The following AGBL3 variants were observed in gnomAD, a reference collection of about 807,000 sequenced individuals.
The protein encoded by AGBL3 is AGBL carboxypeptidase 3.
In AGBL3, 68 loss-of-function variants were observed where a neutral mutation model predicts 94.5. That is an observed-to-expected ratio of 0.72 (90% confidence interval 0.59 to 0.88). The LOEUF (loss-of-function observed/expected upper bound fraction) is 0.88. Among genes scored for constraint, AGBL3 ranks in the 40% least tolerant of loss-of-function variants. AGBL3 has a pLI of 0.00. For missense variants in AGBL3, 934 were observed against 1,103.8 expected (o/e 0.85, Z 2.18); for synonymous variants, 354 against 370.7 (o/e 0.95, Z 0.52).
At position 135,076,401 on chromosome 7, in the gene AGBL3, A is replaced by G; in HGVS notation, c.1913A>G (p.Lys638Arg). 1 of 1,542,410 alleles carries G rather than the reference A, an allele frequency of 6.5e-7. No individual in the cohort carries two copies. The highest frequency in any genetic ancestry group is 1.2e-5 in the South Asian group (1 of 83,764). Residue 638 changes from lysine (K) to arginine (R), a missense_variant, in exon 13 of 17, where the codon AAA becomes AGA. Coordinates refer to ENST00000436302, the MANE Select transcript of AGBL3 (RefSeq NM_178563.4). ...TYLLKLTSQK[K>R]HLKTKKERNS... is the part of the protein sequence containing the mutation. ...TAAGTATGATTCTTTTACTAGAAAA[A>G]ACATTTGAAAACAAAGAAGGAAAGG...
intron 12 of AGBL3, among the ~76,000 whole-genome samples, chr7:135,074,306 AG>A (rs1332509845): frequency 1.3e-5 from 2 of 152,250 alleles, no homozygotes; most frequent in African/African-American, 4.8e-5. Flanking sequence ...TGTGACTAAC[AG>A]GATAGACTGT....
intron 8 of AGBL3, among the ~76,000 whole-genome samples, chr7:135,043,091 A>T (rs1210415185): frequency 6.6e-6 from 1 of 152,208 alleles, no homozygotes. Flanking sequence ...CTCCAACACT[A>T]ATCTTCATTC....
At chr7:135,052,771 T>C (rs1563219851) in intron 11 of AGBL3, among the ~76,000 whole-genome samples, 2 of 152,196 alleles carry the variant, frequency 1.3e-5, no homozygotes, top group African/African-American at 2.4e-5. Context: ...CTCTATAACT[T>C]TGTGCTATAA....
chr7:135,015,405 T>C (rs1459544731), intron 4 of AGBL3, among the ~76,000 whole-genome samples: 1 of 152,192 alleles, frequency 6.6e-6, no homozygotes, highest in Non-Finnish European at 1.5e-5. Flanking sequence ...CATTCATCTG[T>C]CTGTCCATTT....
intron 8 of AGBL3, among the ~76,000 whole-genome samples, chr7:135,043,632 C>A (rs192176208): frequency 6.6e-6 from 1 of 151,992 alleles, no homozygotes; most frequent in African/African-American, 2.4e-5. Context: ...GTGATGGATA[C>A]CCCATTTACT....
At chr7:135,123,491 T>C (rs112827104) in intron 16 of AGBL3, among the ~76,000 whole-genome samples, 7 of 152,316 alleles carry the variant, frequency 4.6e-5, no homozygotes, top group African/African-American at 9.6e-5. Context: ...CCAGGAGAAC[T>C]TCTCCAACCT....
chr7:135,022,138 G>C (rs567477957), intron 5 of AGBL3, among the ~76,000 whole-genome samples: 1 of 152,142 alleles, frequency 6.6e-6, no homozygotes, highest in Non-Finnish European at 1.5e-5. Context: ...ACATGTGCAC[G>C]TATCTTTACA....
chr7:135,053,008 G>C (rs148879516), intron 11 of AGBL3, among the ~76,000 whole-genome samples: 1 of 152,254 alleles, frequency 6.6e-6, no homozygotes, highest in Admixed American at 6.5e-5. Context: ...CCTTACATGT[G>C]CAGAAATATT....
At chr7:135,039,954 A>G (rs560027429) in intron 8 of AGBL3, among the ~76,000 whole-genome samples, 62 of 152,184 alleles carry the variant, frequency 4.1e-4, no homozygotes, top group African/African-American at 1.4e-3. Flanking sequence ...GATTGATGAG[A>G]AAGTAGGAGG....
chr7:135,059,131 C>T (rs1158782043), intron 11 of AGBL3, 38 bp from the exon 12 acceptor site: 3 of 1,475,494 alleles, frequency 2.0e-6, no homozygotes, highest in South Asian at 1.3e-5. Flanking sequence ...TAAGATGCCA[C>T]CAAAACACTG....
At chr7:135,018,674 A>T (rs143477382) in intron 5 of AGBL3, among the ~76,000 whole-genome samples, 1 of 152,280 alleles carries the variant, frequency 6.6e-6, no homozygotes, top group East Asian at 1.9e-4. Flanking sequence ...ACCTTTTTCC[A>T]TTTTTACAAA....
At chr7:135,110,917 C>T (rs1428909297) in intron 15 of AGBL3, among the ~76,000 whole-genome samples, 2 of 152,164 alleles carry the variant, frequency 1.3e-5, no homozygotes, top group African/African-American at 4.8e-5. Flanking sequence ...TTACAGAGCC[C>T]TGCTGGAGAA....
Position 135,034,600 on chromosome 7 carries a change from G to A in AGBL3, c.1009G>A (p.Val337Met). The A allele has an allele frequency of 6.4e-7, 1 of 1,551,708 alleles. No individual in the cohort carries two copies. The highest frequency in any genetic ancestry group is 8.7e-7 in the Non-Finnish European group (1 of 1,146,968). The change falls in exon 7 of 17, where the codon GTG becomes ATG. Residue 337 changes from valine (V) to methionine (M), a missense_variant. By Grantham distance (21) the Val-to-Met change is conservative (BLOSUM62 1). Coordinates refer to ENST00000436302, the MANE Select transcript of AGBL3 (RefSeq NM_178563.4). ...GTGCCACACGCTTGCTAGGAACATG[G>A]TGTATATTTTAACAATCACTACCCC... ...VLCHTLARNM[V>M]YILTITTPLK...
intron 13 of AGBL3, among the ~76,000 whole-genome samples, chr7:135,078,135 T>TA (rs1222560711): frequency 6.6e-6 from 1 of 152,210 alleles, no homozygotes; most frequent in Non-Finnish European, 1.5e-5. Context: ...GAAAAAATCT[T>TA]AAACACTGAC....
intron 16 of AGBL3, 114 bp from the exon 17 acceptor site, chr7:135,134,727 A>G: frequency 1.0e-6 from 1 of 995,948 alleles, no homozygotes; most frequent in Non-Finnish European, 1.4e-6. Context: ...TTAAACTTTA[A>G]GAAGTTATGA....
chr7:135,014,934 G>A (rs1813591693), intron 4 of AGBL3, among the ~76,000 whole-genome samples: 1 of 152,156 alleles, frequency 6.6e-6, no homozygotes, highest in Non-Finnish European at 1.5e-5. Flanking sequence ...AAACATATTT[G>A]CTATGCACAG....
At chr7:135,038,907 C>T (rs1459252732) in intron 8 of AGBL3, among the ~76,000 whole-genome samples, 1 of 151,392 alleles carries the variant, frequency 6.6e-6, no homozygotes, top group African/African-American at 2.4e-5. Flanking sequence ...TGCAGTGAGC[C>T]GAGATGGCGC....
At chr7:135,044,241 C>G in intron 9 of AGBL3, 90 bp downstream of exon 9, 1 of 1,229,952 alleles carries the variant, frequency 8.1e-7, no homozygotes, top group Non-Finnish European at 1.1e-6. Flanking sequence ...GACAATAGTA[C>G]TTTCTTCCTA....
At chr7:134,995,573 A>G (rs1455877543) in intron 4 of AGBL3, 8 of 152,146 alleles carry the variant, frequency 5.3e-5, no homozygotes, top group African/African-American at 1.9e-4. Context: ...GAAATTCTAA[A>G]TATAGTTTCT....
Sources: allele counts gnomAD v4.1 joint callset (sites outside exome capture counted in the v4.1 genomes callset), GRCh38; gene constraint gnomAD v4.1.1; transcripts MANE v1.5; gene names NCBI Gene and HGNC (gene_info 2026-07-23, HGNC 2026-07-21).